The following ADARB2 variants were observed in gnomAD, a reference collection of about 807,000 sequenced individuals.
ADARB2 encodes the protein inactive double-stranded RNA-specific editase B2.
In ADARB2, 25 loss-of-function variants were observed where a neutral mutation model predicts 62.2. That is an observed-to-expected ratio of 0.40 (90% CI 0.29 to 0.56). The LOEUF is 0.56. ADARB2 is among the 20% of genes least tolerant of loss of function. The pLI, the probability that ADARB2 is intolerant of heterozygous loss-of-function variation, is 0.43. For missense variants in ADARB2, 1,071 were observed against 1,077.4 expected, an observed-to-expected ratio of 0.99 and a Z score of 0.08; for synonymous variants, 572 against 500.8, an observed-to-expected ratio of 1.14 and a Z score of -1.90.
At chr10:1,216,687 G>A (rs1446026894) in intron 7 of ADARB2, 1 of 511,116 alleles carries the variant, frequency 2.0e-6, no homozygotes, top group Non-Finnish European at 3.5e-6. Context: ...TGGGGTTGCC[G>A]GGCCTTGCTC....
At chr10:1,495,024 A>G (rs1000867865) in intron 1 of ADARB2, among the ~76,000 whole-genome samples, 3 of 152,226 alleles carry the variant, frequency 2.0e-5, no homozygotes, top group Non-Finnish European at 4.4e-5. Context: ...CATAATTTAT[A>G]TATATGTTTT....
intron 1 of ADARB2, among the ~76,000 whole-genome samples, chr10:1,694,786 C>A (rs1049882110): frequency 1.3e-5 from 2 of 152,042 alleles, no homozygotes; most frequent in Non-Finnish European, 2.9e-5. Flanking sequence ...AGGCTCAGAG[C>A]CGAGGGAGGG....
chr10:1,711,047 C>T (rs528595122), intron 1 of ADARB2, among the ~76,000 whole-genome samples: 26 of 152,280 alleles, frequency 1.7e-4, no homozygotes, highest in African/African-American at 6.0e-4. Context: ...ACGTGTGTTA[C>T]TCTGAGGCCT....
chr10:1,731,964 A>G (rs887019704), intron 1 of ADARB2, among the ~76,000 whole-genome samples: 5 of 152,238 alleles, frequency 3.3e-5, no homozygotes, highest in African/African-American at 1.2e-4. Context: ...CTTGTGAGCT[A>G]GTAATTAAGA....
At chr10:1,521,588 T>G (rs1832074746) in intron 1 of ADARB2, among the ~76,000 whole-genome samples, 2 of 152,194 alleles carry the variant, frequency 1.3e-5, no homozygotes, top group Admixed American at 1.3e-4. Context: ...AAGAAACATT[T>G]ACAGCCTCTT....
intron 1 of ADARB2, among the ~76,000 whole-genome samples, chr10:1,463,683 T>A (rs1831206705): frequency 6.6e-6 from 1 of 152,224 alleles, no homozygotes; most frequent in Non-Finnish European, 1.5e-5. Flanking sequence ...AAGATTCAAC[T>A]TAAATAGTTT....
chr10:1,735,636 G>C (rs1251263093), intron 1 of ADARB2, among the ~76,000 whole-genome samples: 1 of 152,154 alleles, frequency 6.6e-6, no homozygotes, highest in Non-Finnish European at 1.5e-5. Flanking sequence ...GACACTAACA[G>C]GTCTGTTTCA....
At chr10:1,452,545 CAG>C (rs1831052076) in intron 1 of ADARB2, among the ~76,000 whole-genome samples, 2 of 146,550 alleles carry the variant, frequency 1.4e-5, no homozygotes, top group African/African-American at 5.1e-5. Flanking sequence ...AACACAAGAA[CAG>C]AAAACCAAAC....
At chr10:1,189,190 T>C (rs1227794613) in intron 8 of ADARB2, among the ~76,000 whole-genome samples, 1 of 152,058 alleles carries the variant, frequency 6.6e-6, no homozygotes, top group East Asian at 1.9e-4. Context: ...TATTTTGGCC[T>C]GGGGGAGCCA....
intron 2 of ADARB2, among the ~76,000 whole-genome samples, chr10:1,365,040 T>G (rs1832301171): frequency 6.6e-6 from 1 of 151,928 alleles, no homozygotes; most frequent in African/African-American, 2.4e-5. Context: ...GCCTGGCTAA[T>G]TTTTGTATTT....
At chr10:1,483,980 A>G (rs571299174) in intron 1 of ADARB2, among the ~76,000 whole-genome samples, 1 of 152,352 alleles carries the variant, frequency 6.6e-6, no homozygotes, top group Non-Finnish European at 1.5e-5. Context: ...ATGCAGATAC[A>G]CATCAAAGCC....
At chr10:1,425,769 C>A (rs1013472551) in intron 1 of ADARB2, among the ~76,000 whole-genome samples, 1 of 152,258 alleles carries the variant, frequency 6.6e-6, no homozygotes, top group Non-Finnish European at 1.5e-5. Flanking sequence ...GTAGCCTGAA[C>A]TGCATGATGG....
chr10:1,688,214 T>C (rs1399162580), intron 1 of ADARB2, among the ~76,000 whole-genome samples: 2 of 152,234 alleles, frequency 1.3e-5, no homozygotes, highest in Non-Finnish European at 2.9e-5. Flanking sequence ...TGGGCTCTTC[T>C]GACCACCCTG....
chr10:1,308,007 C>G (rs1462818922), intron 3 of ADARB2, among the ~76,000 whole-genome samples: 5 of 148,602 alleles, frequency 3.4e-5, no homozygotes, highest in Admixed American at 2.0e-4. Flanking sequence ...GTGCAGCACA[C>G]CAGCATGGCA....
intron 1 of ADARB2, among the ~76,000 whole-genome samples, chr10:1,572,112 C>A (rs1437461214): frequency 7.1e-6 from 1 of 140,852 alleles, no homozygotes; most frequent in African/African-American, 2.7e-5. Flanking sequence ...GGTGAGTGGA[C>A]AGGTGAGTAG....
chr10:1,359,254 C>A (rs988739735), intron 3 of ADARB2, among the ~76,000 whole-genome samples: 10 of 152,164 alleles, frequency 6.6e-5, no homozygotes, highest in African/African-American at 1.4e-4. Context: ...AGCTGATACT[C>A]ATGGAGAGGA....
intron 4 of ADARB2, 133 bp downstream of exon 4, chr10:1,270,822 G>T: frequency 2.7e-6 from 2 of 751,140 alleles, no homozygotes; most frequent in Non-Finnish European, 4.4e-6. Flanking sequence ...CTCTGTATAT[G>T]CTATAATATT....
At chr10:1,518,381 T>C (rs1387757110) in intron 1 of ADARB2, among the ~76,000 whole-genome samples, 1 of 152,190 alleles carries the variant, frequency 6.6e-6, no homozygotes, top group African/African-American at 2.4e-5. Context: ...CAACTGTACC[T>C]GTTTGCCTTG....
Position 1,363,433 on chromosome 10 carries a change from G to T in ADARB2, c.672C>A (p.Phe224Leu). 3 of 1,399,988 alleles carry T rather than the reference G, an allele frequency of 2.1e-6. No homozygotes were observed. The highest frequency in any genetic ancestry group is 1.9e-4 in the Middle Eastern group (1 of 5,352). 86.7% of individuals were successfully genotyped at this position (1,399,988 alleles called of 1,614,324 possible). A position where few individuals can be genotyped will look rare whatever the true frequency, so the allele number is the denominator to read the frequency against. Residue 224 changes from phenylalanine to leucine, a missense_variant, in exon 3 of 10, where the codon TTC becomes TTA. Phe to Leu is a conservative substitution (Grantham distance 22, BLOSUM62 0). Transcript: ENST00000381312. ...SDQADFPDTLFQEFEPPAPRP... is the reference protein window; with the variant it reads ...SDQADFPDTLLQEFEPPAPRP... ...GCGGCGCCGGGGGCTCGAACTCCTG[G>T]AAGAGCGTGTCGGGGAAATCGGCCT... is the stretch of plus-strand genomic sequence containing the variant.
Sources: allele counts gnomAD v4.1 joint callset (sites outside exome capture counted in the v4.1 genomes callset), GRCh38; gene constraint gnomAD v4.1.1; transcripts MANE v1.5; gene names NCBI Gene and HGNC (gene_info 2026-07-23, HGNC 2026-07-21).